The following MSRA variants were observed in gnomAD, a reference collection of about 807,000 sequenced individuals.
MSRA encodes the protein methionine sulfoxide reductase A, also known as mitochondrial peptide methionine sulfoxide reductase.
A neutral mutation model predicts 31.3 loss-of-function variants in MSRA; 54 were observed. The ratio of observed to expected loss-of-function variants is 1.73; its 90% confidence interval spans 1.39 to 2.17. The LOEUF is 2.17. MSRA is among the 30% of genes most tolerant of loss of function. MSRA has a pLI of 0.00. For synonymous variants in MSRA, 169 were observed against 116.5 expected (o/e 1.45, Z -2.90); for missense variants, 507 against 300.9 (o/e 1.69, Z -5.07).
At chr8:10,304,999 G>A (rs1801049391) in intron 4 of MSRA, among the ~76,000 whole-genome samples, 4 of 152,192 alleles carry the variant, frequency 2.6e-5, no homozygotes, top group Admixed American at 2.6e-4. Context: ...AAAAGTCATT[G>A]ACATTTGATG....
intron 1 of MSRA, among the ~76,000 whole-genome samples, chr8:10,065,736 G>A (rs1248178342): frequency 3.9e-5 from 6 of 152,176 alleles, no homozygotes; most frequent in South Asian, 2.1e-4. Flanking sequence ...ATTTGCTTCC[G>A]CTGTTGCCGG....
intron 1 of MSRA, among the ~76,000 whole-genome samples, chr8:10,178,907 C>T (rs1357495940): frequency 1.3e-5 from 2 of 152,168 alleles, no homozygotes; most frequent in Non-Finnish European, 2.9e-5. Context: ...GGGATTCCTT[C>T]ATTAAGGCTC....
intron 3 of MSRA, among the ~76,000 whole-genome samples, chr8:10,299,835 A>C (rs555967342): frequency 1.3e-5 from 2 of 152,356 alleles, no homozygotes; most frequent in East Asian, 3.9e-4. Flanking sequence ...AGGCATCAAG[A>C]AATTTAAAAA....
At chr8:10,384,113 A>G (rs557265532) in intron 5 of MSRA, among the ~76,000 whole-genome samples, 1 of 152,186 alleles carries the variant, frequency 6.6e-6, no homozygotes, top group Non-Finnish European at 1.5e-5. Flanking sequence ...CTATGTGCCC[A>G]GAGCTTGTAC....
intron 5 of MSRA, among the ~76,000 whole-genome samples, chr8:10,378,015 C>T (rs1805847712): frequency 6.6e-6 from 1 of 152,238 alleles, no homozygotes. Context: ...GCACCACCTG[C>T]TCAAGGCAAA....
chr8:10,170,666 G>A (rs1585084868), intron 1 of MSRA, among the ~76,000 whole-genome samples: 1 of 152,182 alleles, frequency 6.6e-6, no homozygotes, highest in Non-Finnish European at 1.5e-5. Context: ...GTATATGGGA[G>A]GATGTGCATA....
intron 2 of MSRA, among the ~76,000 whole-genome samples, chr8:10,225,483 G>A (rs1810914165): frequency 2.0e-5 from 3 of 152,132 alleles, no homozygotes; most frequent in South Asian, 2.1e-4. Context: ...GATGAATCAC[G>A]TTCTTTACAT....
intron 2 of MSRA, among the ~76,000 whole-genome samples, chr8:10,209,023 A>T (rs1022150373): frequency 1.3e-5 from 2 of 152,198 alleles, no homozygotes; most frequent in African/African-American, 2.4e-5. Context: ...ATAAACAGGG[A>T]CCCAGTTCCA....
At chr8:10,408,456 C>T (rs1040761965) in intron 5 of MSRA, among the ~76,000 whole-genome samples, 2 of 152,052 alleles carry the variant, frequency 1.3e-5, no homozygotes, top group Non-Finnish European at 2.9e-5. Context: ...GCAGAGGGAT[C>T]GCTGGAACCC....
chr8:10,158,259 G>A (rs931706106), intron 1 of MSRA, among the ~76,000 whole-genome samples: 7 of 152,212 alleles, frequency 4.6e-5, no homozygotes, highest in Admixed American at 1.3e-4. Context: ...CATTCAGACC[G>A]TAGCAAATGG....
intron 1 of MSRA, among the ~76,000 whole-genome samples, chr8:10,169,654 G>A (rs921327663): frequency 6.6e-6 from 1 of 152,120 alleles, no homozygotes; most frequent in Non-Finnish European, 1.5e-5. Context: ...CAAAAACATT[G>A]TTCAGAAAAA....
chr8:10,372,807 T>C (rs1366849125), intron 5 of MSRA, among the ~76,000 whole-genome samples: 2 of 152,258 alleles, frequency 1.3e-5, no homozygotes, highest in Admixed American at 1.3e-4. Context: ...CTAAAACCAG[T>C]CTAGAAACTC....
At chr8:10,139,208 T>C (rs966432096) in intron 1 of MSRA, among the ~76,000 whole-genome samples, 1 of 152,226 alleles carries the variant, frequency 6.6e-6, no homozygotes, top group Non-Finnish European at 1.5e-5. Context: ...AATGTTATGA[T>C]GTAAAGTGGG....
intron 2 of MSRA, among the ~76,000 whole-genome samples, chr8:10,234,904 C>G (rs1811822498): frequency 1.3e-5 from 2 of 151,944 alleles, no homozygotes; most frequent in South Asian, 2.1e-4. Flanking sequence ...ATGCTAATAG[C>G]ATAGCCTAAA....
At chr8:10,087,109 G>A (rs1213114318) in intron 1 of MSRA, among the ~76,000 whole-genome samples, 2 of 152,164 alleles carry the variant, frequency 1.3e-5, no homozygotes, top group African/African-American at 4.8e-5. Context: ...GGTTGTGTTT[G>A]CAAAGTGTCT....
intron 1 of MSRA, among the ~76,000 whole-genome samples, chr8:10,119,682 A>T (rs779987484): frequency 6.6e-6 from 1 of 152,238 alleles, no homozygotes; most frequent in Non-Finnish European, 1.5e-5. Context: ...GGAGAGCACC[A>T]GGTTGTCAGT....
intron 1 of MSRA, among the ~76,000 whole-genome samples, chr8:10,079,134 G>A (rs962511143): frequency 6.6e-6 from 1 of 152,114 alleles, no homozygotes; most frequent in Non-Finnish European, 1.5e-5. Context: ...GTGAGAGATA[G>A]CACCTGGCTC....
intron 5 of MSRA, among the ~76,000 whole-genome samples, chr8:10,361,616 G>C (rs547634679): frequency 1.4e-3 from 211 of 152,264 alleles, no homozygotes; most frequent in African/African-American, 4.8e-3. Context: ...GAGCATACTT[G>C]AGACATTGGA....
intron 3 of MSRA, among the ~76,000 whole-genome samples, chr8:10,252,665 G>C (rs2129087372): frequency 6.6e-6 from 1 of 152,330 alleles, no homozygotes; most frequent in African/African-American, 2.4e-5. Flanking sequence ...GGGACTGCCT[G>C]GGCCTGCAGA....
Sources: gnomAD v4.1 joint callset for allele counts (sites outside exome capture counted in the v4.1 genomes callset) on GRCh38, gnomAD v4.1.1 for gene constraint, MANE v1.5 for transcripts, NCBI Gene and HGNC (gene_info 2026-07-23, HGNC 2026-07-21) for gene names.